EYS: variants seen among roughly 807,000 people sequenced by gnomAD.
EYS encodes protein eyes shut homolog.
In EYS, 250 loss-of-function variants were observed where a neutral mutation model predicts 282.1. The ratio of observed to expected loss-of-function variants is 0.89; its 90% CI spans 0.80 to 0.98. The LOEUF is 0.98. Among genes scored for constraint, EYS ranks in the 50% least tolerant of loss-of-function variants. The pLI is 0.00. For missense variants in EYS, 4,016 were observed against 3,709.0 expected (o/e 1.08, Z -2.15); for synonymous variants, 1,355 against 1,282.9 (o/e 1.06, Z -1.20).
At chr6:63,920,243 T>C (rs559425842) in intron 35 of EYS, among the ~76,000 whole-genome samples, 1 of 152,324 alleles carries the variant, frequency 6.6e-6, no homozygotes, top group Admixed American at 6.5e-5. Flanking sequence ...TCTGTTATTT[T>C]CCTCCTGTCC....
rs1365975253 is a variant in EYS, at chr6:64,816,626, C to T, written c.3244-3049G>A. 2.6e-5 allele frequency among the ~76,000 whole-genome samples: 4 copies of T among 152,132 alleles called. No individual in the cohort carries two copies. In the South Asian group the frequency reaches 6.2e-4, roughly 24 times the overall value. On this transcript the variant is annotated intron_variant, in intron 21 of 42. Coordinates refer to ENST00000503581, the MANE Select transcript of EYS (RefSeq NM_001142800.2). ...AACAAATACCTAGAGAACATAATGG[C>T]ATTTATTTAAACAAAAGATACATAT...
At chr6:64,857,507 T>C (rs1046851750) in intron 19 of EYS, among the ~76,000 whole-genome samples, 2 of 152,206 alleles carry the variant, frequency 1.3e-5, no homozygotes, top group African/African-American at 4.8e-5. Flanking sequence ...ATGAAATTCA[T>C]TCATGAAGAC....
chr6:64,494,450 A>G (rs531491981), intron 26 of EYS, among the ~76,000 whole-genome samples: 1 of 151,804 alleles, frequency 6.6e-6, no homozygotes, highest in South Asian at 2.1e-4. Context: ...TACTGTGTAC[A>G]GTTGTTTGTT....
intron 36 of EYS, among the ~76,000 whole-genome samples, chr6:63,830,064 G>A (rs556176776): frequency 6.6e-5 from 10 of 152,240 alleles, no homozygotes; most frequent in Admixed American, 1.3e-4. Context: ...CCATCTGTAC[G>A]TCACCATCAT....
chr6:65,127,811 T>C (rs1239277473), intron 12 of EYS, among the ~76,000 whole-genome samples: 1 of 152,110 alleles, frequency 6.6e-6, no homozygotes. Context: ...GGCTAAGACC[T>C]CATATATTAA....
intron 19 of EYS, among the ~76,000 whole-genome samples, chr6:64,858,982 A>C (rs774517615): frequency 3.3e-5 from 5 of 152,040 alleles, no homozygotes; most frequent in Admixed American, 6.6e-5. Flanking sequence ...ATGTAGCCAG[A>C]GCAATTAGGC....
At chr6:64,612,353 A>G (rs1015203915) in intron 24 of EYS, among the ~76,000 whole-genome samples, 3 of 152,160 alleles carry the variant, frequency 2.0e-5, no homozygotes, top group Non-Finnish European at 2.9e-5. Context: ...ATGGAGATCA[A>G]TCTTGTTTGG....
At chr6:63,863,185 A>G (rs1772577420) in intron 36 of EYS, among the ~76,000 whole-genome samples, 1 of 152,222 alleles carries the variant, frequency 6.6e-6, no homozygotes, top group Admixed American at 6.5e-5. Context: ...TTATGGTGAA[A>G]ATAATGATAA....
At chr6:65,465,918 G>A (rs1764981626) in intron 5 of EYS, among the ~76,000 whole-genome samples, 1 of 152,076 alleles carries the variant, frequency 6.6e-6, no homozygotes, top group African/African-American at 2.4e-5. Flanking sequence ...GCTGCAGTGA[G>A]CTGTGATTGT....
intron 26 of EYS, among the ~76,000 whole-genome samples, chr6:64,490,121 A>T (rs548082464): frequency 6.6e-6 from 1 of 151,062 alleles, no homozygotes; most frequent in South Asian, 2.1e-4. Flanking sequence ...GAAGTGAACA[A>T]TAGGTATCCT....
rs1365710038 is a variant in EYS at position 65,102,003 on chromosome 6, C to T, written c.2024-44276G>A. On this transcript the variant is annotated intron_variant, in intron 12 of 42. Coordinates refer to ENST00000503581, the MANE Select transcript of EYS (RefSeq NM_001142800.2). ...AACTGTTTTATCTAGGAGTATACCACATCATTATTCACATACCTGCTATTT... is the reference window on the plus strand; with the variant it reads ...AACTGTTTTATCTAGGAGTATACCATATCATTATTCACATACCTGCTATTT... 2.0e-5 allele frequency among the ~76,000 whole-genome samples: 3 copies of T among 151,424 alleles called. No individual in the cohort carries two copies. In the East Asian group the frequency reaches 5.8e-4, roughly 29 times the overall value.
intron 1 of EYS, among the ~76,000 whole-genome samples, chr6:65,678,861 A>C (rs936631738): frequency 3.3e-5 from 5 of 151,778 alleles, no homozygotes; most frequent in Non-Finnish European, 7.4e-5. Context: ...TCATGAAAAG[A>C]TGCTAAATCT....
rs778630663 is a variant in EYS, at chr6:64,912,500, A to G, written c.2625T>C (p.His875=). 108 of 1,550,958 alleles carry G rather than the reference A, an allele frequency of 7.0e-5. No individual in the cohort carries two copies. The highest frequency in any genetic ancestry group is 8.5e-5 in the Non-Finnish European group (98 of 1,146,482). Residue 875 remains histidine (H), a synonymous_variant, in exon 16 of 43, where the codon CAT becomes CAC. Coordinates refer to ENST00000503581, the MANE Select transcript of EYS (RefSeq NM_001142800.2). ...TCLALVDANQ[H]CICREEFEGK... ...AGCTCTTACCTTCTCTACAAATACA[A>G]TGCTGATTTGCGTCTACCAAAGCTA...
At chr6:64,142,400 C>T (rs746779302) in intron 31 of EYS, among the ~76,000 whole-genome samples, 7 of 151,906 alleles carry the variant, frequency 4.6e-5, no homozygotes, top group Non-Finnish European at 5.9e-5. Flanking sequence ...ACAAGACCAG[C>T]CCCCAAAACT....
intron 2 of EYS, among the ~76,000 whole-genome samples, chr6:65,628,841 A>G (rs112976075): frequency 6.6e-6 from 1 of 152,348 alleles, no homozygotes; most frequent in Non-Finnish European, 1.5e-5. Context: ...AGTCAGTGAG[A>G]CCAAGAACCC....
At chr6:64,525,122 C>T (rs1207827804) in intron 26 of EYS, among the ~76,000 whole-genome samples, 1 of 151,700 alleles carries the variant, frequency 6.6e-6, no homozygotes, top group South Asian at 2.1e-4. Context: ...ATGGCAATTC[C>T]TCAAAGAGCT....
chr6:64,935,695 A>G (rs969738153), intron 15 of EYS, among the ~76,000 whole-genome samples: 3 of 151,756 alleles, frequency 2.0e-5, no homozygotes, highest in Non-Finnish European at 4.4e-5. Context: ...ACGCTAACCA[A>G]TTATAAAGGC....
At chr6:63,841,934 T>G (rs1487389633) in intron 36 of EYS, among the ~76,000 whole-genome samples, 1 of 152,236 alleles carries the variant, frequency 6.6e-6, no homozygotes, top group Admixed American at 6.5e-5. Flanking sequence ...GCAAAGGACA[T>G]GAACTCATTC....
chr6:65,362,814 T>C (rs1235133948), intron 8 of EYS, among the ~76,000 whole-genome samples: 1 of 152,080 alleles, frequency 6.6e-6, no homozygotes, highest in Non-Finnish European at 1.5e-5. Flanking sequence ...GATGTATTTA[T>C]TTTTTCTCAA....
Sources: gnomAD v4.1 joint callset for allele counts (sites outside exome capture counted in the v4.1 genomes callset) on GRCh38, gnomAD v4.1.1 for gene constraint, MANE v1.5 for transcripts, NCBI Gene and HGNC (gene_info 2026-07-23, HGNC 2026-07-21) for gene names.